Variants in MICALL1 observed in about 807,000 individuals in gnomAD.
The protein encoded by MICALL1 is MICAL-like protein 1.
A neutral mutation model predicts 83.7 loss-of-function variants in MICALL1; 61 were observed. That is an observed-to-expected ratio of 0.73 (90% CI 0.59 to 0.90). The LOEUF (loss-of-function observed/expected upper bound fraction) is 0.90, where lower values mean the gene tolerates loss of function less well. Ranked by LOEUF, MICALL1 falls within the 40% of genes least tolerant of loss-of-function variation. The probability of loss-of-function intolerance (pLI) is 0.00; values close to 1 mark genes in which losing one functional copy is unlikely to be tolerated. For synonymous variants in MICALL1, 481 were observed against 473.6 expected (o/e 1.02, Z -0.20); for missense variants, 1,066 against 1,152.0 (o/e 0.93, Z 1.08).
At chr22:37,933,356 G>A (rs757474263) in intron 13 of MICALL1, among the ~76,000 whole-genome samples, 34 of 152,254 alleles carry the variant, frequency 2.2e-4, no homozygotes, top group South Asian at 4.1e-4. Context: ...GGGTGTGGAC[G>A]TCCGAGGGAC....
chr22:37,908,994 G>C (rs1160231357), intron 1 of MICALL1, among the ~76,000 whole-genome samples: 1 of 152,172 alleles, frequency 6.6e-6, no homozygotes, highest in Non-Finnish European at 1.5e-5. Flanking sequence ...ATGGCTGACA[G>C]CTGCTTTTGC....
rs759080609 is a variant in MICALL1, at chr22:37,919,139, A to G, written c.530A>G (p.Tyr177Cys). 37 of 1,549,262 alleles carry G rather than the reference A, an allele frequency of 2.4e-5. No homozygotes were observed. Among genetic ancestry groups the G allele is most frequent in the Non-Finnish European group, 2.7e-5 (31 of 1,145,964 alleles). The change falls in exon 5 of 16, where the codon TAC becomes TGC. Residue 177 changes from tyrosine to cysteine, a missense_variant. Coordinates refer to ENST00000215957, the MANE Select transcript of MICALL1 (RefSeq NM_033386.4). Reference protein sequence around the residue: ...CQQHVHLVQRYLADGRLYHRH... With the variant: ...CQQHVHLVQRCLADGRLYHRH... Reference sequence around the variant, plus strand: ...CAGCATGTGCACTTGGTGCAGCGCTACCTGGCTGACGGCAGGCTGTACCAT... The same window carrying G: ...CAGCATGTGCACTTGGTGCAGCGCTGCCTGGCTGACGGCAGGCTGTACCAT...
intron 5 of MICALL1, among the ~76,000 whole-genome samples, chr22:37,920,563 G>A (rs1601815468): frequency 2.0e-5 from 3 of 151,248 alleles, no homozygotes; most frequent in Admixed American, 1.3e-4. Context: ...GATCGCTTGA[G>A]GCCCAGAGTT....
rs1229641480 is a variant in MICALL1, at chr22:37,925,778, G to T, written c.1200G>T (p.Arg400Ser). ...CGGGGCCACCAAGCCAGGACAGCAG[G>T]CAGGTGGAGAATGGAGGCACCGAGG... ...SSPGPPSQDSRQVENGGTEEV... is the reference protein window; with the variant it reads ...SSPGPPSQDSSQVENGGTEEV... Residue 400 changes from arginine to serine, a missense_variant, in exon 8 of 16, where the codon AGG becomes AGT. Transcript: ENST00000215957. 13 of 1,613,280 alleles carry T rather than the reference G, an allele frequency of 8.1e-6. No individual in the cohort carries two copies. The African/African-American group carries it at 1.7e-4, about 22-fold the overall frequency.
chr22:37,929,699 G>C (rs139057808), intron 9 of MICALL1, among the ~76,000 whole-genome samples: 5 of 152,202 alleles, frequency 3.3e-5, no homozygotes, highest in Non-Finnish European at 7.3e-5. Context: ...GATTGCCTGG[G>C]CTCAGTACTT....
intron 13 of MICALL1, among the ~76,000 whole-genome samples, chr22:37,934,839 A>G (rs908061610): frequency 1.7e-4 from 25 of 150,346 alleles, no homozygotes; most frequent in South Asian, 4.2e-4. Context: ...CTTGTGATCC[A>G]CCCACCTTAG....
chr22:37,906,633 C>T lies in MICALL1; in HGVS notation c.146+65C>T, dbSNP rs564881519. On this transcript the variant is annotated intron_variant, in intron 1 of 15. Coordinates refer to ENST00000215957, the MANE Select transcript of MICALL1 (RefSeq NM_033386.4). The surrounding 1 kb of genome is among the most constrained non-coding windows in gnomAD (Gnocchi z 4.4). The stretch of plus-strand genomic sequence containing the variant: ...GGCTGGGGCCGCGACCGCCGCCCCC[C>T]CTCAGTAACACGAAGCCCGGGCGGT... The T allele has an allele frequency of 3.0e-4, 342 of 1,132,566 alleles. 4 individuals carry two copies. In the East Asian group the frequency reaches 9.1e-3, roughly 30 times the overall value. 70.2% of individuals were successfully genotyped at this position (1,132,566 alleles called of 1,614,324 possible). A position where few individuals can be genotyped will look rare whatever the true frequency, so the allele number is the denominator to read the frequency against.
chr22:37,917,855 G>T (rs528335689), intron 4 of MICALL1, 60 bp downstream of exon 4: 12 of 1,410,936 alleles, frequency 8.5e-6, no homozygotes, highest in Middle Eastern at 3.5e-4. Flanking sequence ...TTATGTGGAC[G>T]ACTATCATTG....
At chr22:37,931,675 C>T (rs1277354562) in intron 9 of MICALL1, 124 bp from the exon 10 acceptor site, 2 of 1,161,050 alleles carry the variant, frequency 1.7e-6, no homozygotes, top group Non-Finnish European at 2.5e-6. Flanking sequence ...GAGACTGTCT[C>T]TTTGCCTGGG....
In MICALL1 at chr22:37,927,722, C is replaced by G; in HGVS notation, c.1777C>G (p.Pro593Ala). 6.2e-7 allele frequency: 1 copy of G among 1,614,024 alleles called. No individual in the cohort carries two copies. Among genetic ancestry groups the G allele is most frequent in the Admixed American group, 1.7e-5 (1 of 60,018 alleles). Reference protein sequence around the residue: ...PRTRGSSGPQPAKPCSGATPT... With the variant: ...PRTRGSSGPQAAKPCSGATPT... ...GACCAGGGGCAGCTCAGGTCCCCAG[C>G]CAGCCAAGCCCTGCAGTGGCGCCAC... The change falls in exon 9 of 16, where the codon CCA becomes GCA. Residue 593 changes from proline to alanine, a missense_variant. By Grantham distance (27) the Pro-to-Ala change is conservative (BLOSUM62 -1). Transcript: ENST00000215957.
In MICALL1 at chr22:37,924,073, A is replaced by G. The variant is rs542807398; in HGVS notation, c.1025-587A>G. On this transcript the variant is annotated intron_variant, in intron 6 of 15. Transcript: ENST00000215957. This position sits in a 1 kb window ranked among gnomAD's most constrained non-coding sequence, Gnocchi z 5.2. The stretch of plus-strand genomic sequence containing the variant: ...CCCTTATCATTCCATTAGGGAAGGC[A>G]TTGGTGGCCACGGGGAGAGAGACTC... Among the ~76,000 whole-genome samples, 2 of 152,190 alleles carry G rather than the reference A, an allele frequency of 1.3e-5. No homozygotes were observed. Among genetic ancestry groups the G allele is most frequent in the East Asian group, 3.9e-4 (2 of 5,192 alleles).
At chr22:37,914,930 C>T (rs998580065) in intron 3 of MICALL1, among the ~76,000 whole-genome samples, 7 of 151,118 alleles carry the variant, frequency 4.6e-5, no homozygotes, top group Non-Finnish European at 8.8e-5. Flanking sequence ...GCATGAGCCA[C>T]TATGCCCAGC....
Position 37,924,713 on chromosome 22 carries a change from G to C in MICALL1, c.1078G>C (p.Glu360Gln). ...GCCGAGGGGGACACCGAAGCCGTCCGAGGGGTATGTCGATCCCTGAGGGGC... is the reference window on the plus strand; with the variant it reads ...GCCGAGGGGGACACCGAAGCCGTCCCAGGGGTATGTCGATCCCTGAGGGGC... ...PKPRGTPKPS[E>Q]GTPAPRKDPP... The change falls in exon 7 of 16, where the codon GAG becomes CAG. Residue 360 changes from glutamate to glutamine, a missense_variant. Physicochemically the swap from Glu to Gln is conservative, Grantham distance 29. Coordinates refer to ENST00000215957, the MANE Select transcript of MICALL1 (RefSeq NM_033386.4). The surrounding 1 kb of genome is among the most constrained non-coding windows in gnomAD (Gnocchi z 5.2). 1 of 1,612,370 alleles carries C rather than the reference G, an allele frequency of 6.2e-7. No individual in the cohort carries two copies. Among genetic ancestry groups the C allele is most frequent in the Admixed American group, 1.7e-5 (1 of 59,840 alleles).
chr22:37,913,782 A>G (rs1357247355), intron 3 of MICALL1, among the ~76,000 whole-genome samples: 3 of 152,018 alleles, frequency 2.0e-5, no homozygotes, highest in Non-Finnish European at 4.4e-5. Flanking sequence ...CCTGAATCCA[A>G]CGCTGGATTC....
intron 15 of MICALL1, among the ~76,000 whole-genome samples, chr22:37,939,577 C>G (rs1225791756): frequency 6.7e-6 from 1 of 150,096 alleles, no homozygotes; most frequent in East Asian, 2.0e-4. Flanking sequence ...TGTTCGAGAC[C>G]AGCCTGGCCA....
chr22:37,906,704 C>T lies in MICALL1; in HGVS notation c.146+136C>T, dbSNP rs1601797916. The T allele has an allele frequency of 3.7e-6, 3 of 813,632 alleles. No individual in the cohort carries two copies. Among genetic ancestry groups the T allele is most frequent in the South Asian group, 5.8e-5 (1 of 17,268 alleles). The allele number at this position is 813,632 out of a possible 1,614,324, so 50.4% of individuals were successfully genotyped here. On this transcript the variant is annotated intron_variant, in intron 1 of 15. Coordinates refer to ENST00000215957, the MANE Select transcript of MICALL1 (RefSeq NM_033386.4). The surrounding 1 kb of genome is among the most constrained non-coding windows in gnomAD (Gnocchi z 4.4). ...ACGGAGACGCCGACCCCCCCGACGGCCCCGGACGCCGGGCGGGTCCCTGAG... is the reference window on the plus strand; with the variant it reads ...ACGGAGACGCCGACCCCCCCGACGGTCCCGGACGCCGGGCGGGTCCCTGAG...
intron 3 of MICALL1, 90 bp from the exon 4 acceptor site, chr22:37,917,617 C>T: frequency 8.4e-7 from 1 of 1,191,888 alleles, no homozygotes; most frequent in Non-Finnish European, 1.2e-6. Flanking sequence ...TAGGTGATGG[C>T]TACAGGTCTC....
rs1645204874 is a variant in MICALL1 at position 37,941,689 on chromosome 22, G to C, written c.*859G>C. ...ACTTAGGCTTTCCTCTGCCACCCCGGTCCAGGGAAGAGGCTCGCTCCCGCC... is the reference window on the plus strand; with the variant it reads ...ACTTAGGCTTTCCTCTGCCACCCCGCTCCAGGGAAGAGGCTCGCTCCCGCC... On this transcript the variant is annotated 3_prime_UTR_variant, in exon 16 of 16. Transcript: ENST00000215957. 6.6e-6 allele frequency: 1 copy of C among 152,380 alleles called. No individual in the cohort carries two copies. The highest frequency in any genetic ancestry group is 1.5e-5 in the Non-Finnish European group (1 of 68,228). The allele number at this position is 152,380 out of a possible 1,614,324, so 9.4% of individuals were successfully genotyped here. A position where few individuals can be genotyped will look rare whatever the true frequency, so the allele number is the denominator to read the frequency against.
At chr22:37,939,514 G>A (rs1217043372) in intron 15 of MICALL1, among the ~76,000 whole-genome samples, 2 of 152,074 alleles carry the variant, frequency 1.3e-5, no homozygotes, top group African/African-American at 2.4e-5. Flanking sequence ...GGTGGCTCAC[G>A]CCTGTAATGC....
Sources: gnomAD v4.1 joint callset for allele counts (sites outside exome capture counted in the v4.1 genomes callset) on GRCh38, gnomAD v4.1.1 for gene constraint, Gnocchi (gnomAD v3.1) non-coding constraint, MANE v1.5 for transcripts, NCBI Gene and HGNC (gene_info 2026-07-23, HGNC 2026-07-21) for gene names.